UBE2E2: variants seen among roughly 807,000 people sequenced by gnomAD.
The protein encoded by UBE2E2 is ubiquitin conjugating enzyme E2 E2, also known as ubiquitin-conjugating enzyme E2 E2.
In UBE2E2, 6 loss-of-function variants were observed where a neutral mutation model predicts 24.7. The ratio of observed to expected loss-of-function variants is 0.24; its 90% CI spans 0.13 to 0.48. The LOEUF (loss-of-function observed/expected upper bound fraction) is 0.48. Ranked by LOEUF, UBE2E2 falls within the 20% of genes least tolerant of loss-of-function variation. The pLI is 0.99. For missense variants in UBE2E2, 169 were observed against 245.0 expected (o/e 0.69, Z 2.07); for synonymous variants, 104 against 83.6 (o/e 1.24, Z -1.33).
At chr3:23,345,567 C>T (rs1241101301) in intron 3 of UBE2E2, among the ~76,000 whole-genome samples, 2 of 152,148 alleles carry the variant, frequency 1.3e-5, no homozygotes, top group Admixed American at 6.5e-5. Context: ...TATCTTAACA[C>T]AATAGCATTG....
chr3:23,232,971 T>A (rs1697011465), intron 3 of UBE2E2, among the ~76,000 whole-genome samples: 1 of 152,210 alleles, frequency 6.6e-6, no homozygotes, highest in Admixed American at 6.5e-5. Context: ...GGCAGTTTCC[T>A]AAGAGTGGCA....
intron 5 of UBE2E2, among the ~76,000 whole-genome samples, chr3:23,578,196 A>T (rs1696391432): frequency 1.3e-5 from 2 of 152,100 alleles, no homozygotes; most frequent in Non-Finnish European, 2.9e-5. Flanking sequence ...GCTCAAAATC[A>T]CTCATTAGAG....
chr3:23,460,784 A>T (rs1017154439), intron 3 of UBE2E2, among the ~76,000 whole-genome samples: 1 of 152,286 alleles, frequency 6.6e-6, no homozygotes, highest in African/African-American at 2.4e-5. Flanking sequence ...TCCAAGAAGA[A>T]GCAGAAGTGT....
chr3:23,359,260 TCA>T (rs1459819501), intron 3 of UBE2E2, among the ~76,000 whole-genome samples: 1 of 152,192 alleles, frequency 6.6e-6, no homozygotes, highest in African/African-American at 2.4e-5. Flanking sequence ...GCTGGTCCTG[TCA>T]TCTTTATTGC....
chr3:23,223,103 T>C, intron 3 of UBE2E2, among the ~76,000 whole-genome samples: 1 of 137,326 alleles, frequency 7.3e-6, no homozygotes, highest in East Asian at 2.3e-4. Flanking sequence ...CACTGTAACC[T>C]CTGCCTCCTG....
intron 5 of UBE2E2, among the ~76,000 whole-genome samples, chr3:23,560,608 T>C (rs1271492322): frequency 6.6e-6 from 1 of 151,980 alleles, no homozygotes; most frequent in African/African-American, 2.4e-5. Context: ...GGTCAAATGG[T>C]ATTTCTAGTT....
chr3:23,255,552 T>C (rs946571737), intron 3 of UBE2E2, among the ~76,000 whole-genome samples: 4 of 152,050 alleles, frequency 2.6e-5, no homozygotes, highest in Non-Finnish European at 5.9e-5. Context: ...TCAAAGGGGA[T>C]TGAGAAATAA....
intron 5 of UBE2E2, among the ~76,000 whole-genome samples, chr3:23,542,667 AT>A (rs903258404): frequency 2.0e-5 from 3 of 152,058 alleles, no homozygotes; most frequent in Non-Finnish European, 4.4e-5. Context: ...TATCTTTATT[AT>A]TTTTTCTTAT....
chr3:23,381,940 G>T (rs1264447923), intron 3 of UBE2E2, among the ~76,000 whole-genome samples: 2 of 152,132 alleles, frequency 1.3e-5, no homozygotes, highest in Non-Finnish European at 2.9e-5. Flanking sequence ...TTACTGTGGG[G>T]TCTCACAAAA....
intron 3 of UBE2E2, among the ~76,000 whole-genome samples, chr3:23,331,225 G>T (rs142742142): frequency 1.4e-3 from 213 of 152,250 alleles, no homozygotes; most frequent in African/African-American, 4.8e-3. Context: ...ACAAAGCAGA[G>T]TAGAAACAGC....
chr3:23,335,291 A>G (rs140333138), intron 3 of UBE2E2, among the ~76,000 whole-genome samples: 2 of 152,290 alleles, frequency 1.3e-5, no homozygotes, highest in Non-Finnish European at 2.9e-5. Flanking sequence ...AAATAAAAAT[A>G]TGGGGAGACT....
intron 4 of UBE2E2, among the ~76,000 whole-genome samples, chr3:23,528,012 GT>G (rs1417762396): frequency 6.7e-4 from 102 of 152,322 alleles, no homozygotes; most frequent in African/African-American, 2.4e-3. Flanking sequence ...GTTTATAACA[GT>G]CAGAACTTGG....
chr3:23,467,195 C>A (rs1274746639), intron 3 of UBE2E2, among the ~76,000 whole-genome samples: 1 of 152,168 alleles, frequency 6.6e-6, no homozygotes, highest in Non-Finnish European at 1.5e-5. Context: ...TACAGTACTA[C>A]CTGTGTTTAT....
At chr3:23,368,609 T>C (rs1696320280) in intron 3 of UBE2E2, among the ~76,000 whole-genome samples, 1 of 152,208 alleles carries the variant, frequency 6.6e-6, no homozygotes, top group African/African-American at 2.4e-5. Flanking sequence ...GGAATACTTT[T>C]CTATGTTATT....
intron 3 of UBE2E2, among the ~76,000 whole-genome samples, chr3:23,356,519 A>G (rs1417283539): frequency 6.6e-6 from 1 of 152,086 alleles, no homozygotes; most frequent in African/African-American, 2.4e-5. Context: ...GTTTCCTGAA[A>G]ACTTATCCCG....
chr3:23,537,338 A>T (rs1171431282), intron 5 of UBE2E2, among the ~76,000 whole-genome samples: 1 of 152,192 alleles, frequency 6.6e-6, no homozygotes, highest in Non-Finnish European at 1.5e-5. Flanking sequence ...CATACCCACA[A>T]ACATCAACAC....
At chr3:23,408,929 T>C (rs1697433081) in intron 3 of UBE2E2, among the ~76,000 whole-genome samples, 1 of 152,146 alleles carries the variant, frequency 6.6e-6, no homozygotes, top group East Asian at 1.9e-4. Flanking sequence ...AGAAGAGCCC[T>C]TGTATTTGAA....
intron 3 of UBE2E2, among the ~76,000 whole-genome samples, chr3:23,226,532 G>T (rs528991844): frequency 5.9e-5 from 9 of 152,140 alleles, no homozygotes; most frequent in Non-Finnish European, 1.2e-4. Context: ...GAGCCACTGC[G>T]CCCGGCCAGG....
chr3:23,481,969 C>T (rs761239719), intron 3 of UBE2E2, among the ~76,000 whole-genome samples: 12 of 152,180 alleles, frequency 7.9e-5, no homozygotes, highest in Admixed American at 2.0e-4. Flanking sequence ...GATACCATGA[C>T]TAGTGAACTC....
Sources: gnomAD v4.1 joint callset for allele counts (sites outside exome capture counted in the v4.1 genomes callset) on GRCh38, gnomAD v4.1.1 for gene constraint, MANE v1.5 for transcripts, NCBI Gene and HGNC (gene_info 2026-07-23, HGNC 2026-07-21) for gene names.